The following TMEM63B variants were observed in gnomAD, a reference collection of about 807,000 sequenced individuals.
TMEM63B encodes the protein transmembrane protein 63B, also known as mechanosensitive cation channel TMEM63B.
TMEM63B carries 23 observed loss-of-function variants against 102.6 expected under a neutral mutation model. The observed-to-expected ratio is 0.22, with a 90% CI of 0.16 to 0.32. The LOEUF (loss-of-function observed/expected upper bound fraction) is 0.32, where lower values mean the gene tolerates loss of function less well. Among genes scored for constraint, TMEM63B ranks in the 10% least tolerant of loss-of-function variants. The pLI, the probability that TMEM63B is intolerant of heterozygous loss-of-function variation, is 1.00. For missense variants in TMEM63B, 628 were observed against 1,095.9 expected (o/e 0.57, Z 6.03); for synonymous variants, 444 against 437.0 (o/e 1.02, Z -0.20).
Position 44,150,709 on chromosome 6 carries a change from A to G in TMEM63B, c.1673+80A>G. 1 of 1,443,994 alleles carries G rather than the reference A, an allele frequency of 6.9e-7. No homozygotes were observed. Among genetic ancestry groups the G allele is most frequent in the Non-Finnish European group, 9.7e-7 (1 of 1,033,318 alleles). The allele number at this position is 1,443,994 out of a possible 1,614,324, so 89.4% of individuals were successfully genotyped here. A position where few individuals can be genotyped will look rare whatever the true frequency, so the allele number is the denominator to read the frequency against. On this transcript the variant is annotated intron_variant, in intron 18 of 23. Coordinates refer to ENST00000323267, the MANE Select transcript of TMEM63B (RefSeq NM_018426.3). The surrounding 1 kb of genome is among the most constrained non-coding windows in gnomAD (Gnocchi z 4.7). Reference sequence around the variant, plus strand: ...TGAGAGACATTGCCAGCCCCATGGGAGGGTGCAACAAAGCTTCCAACTCCT... The same window carrying G: ...TGAGAGACATTGCCAGCCCCATGGGGGGGTGCAACAAAGCTTCCAACTCCT...
rs1763974107 is a variant in TMEM63B at position 44,140,376 on chromosome 6, C to A, written c.711+16C>A. On this transcript the variant is annotated intron_variant, in intron 9 of 23. Coordinates refer to ENST00000323267, the MANE Select transcript of TMEM63B (RefSeq NM_018426.3). ...GGATGATCTGGTGCGTGGAGCAGAG[C>A]CCAGGTCCTGCCCCATCCCCAGCCT... The A allele has an allele frequency of 1.9e-6, 3 of 1,599,894 alleles. No individual in the cohort carries two copies. The highest frequency in any genetic ancestry group is 2.6e-6 in the Non-Finnish European group (3 of 1,167,872).
At chr6:44,151,806 C>A in intron 18 of TMEM63B, 40 bp from the exon 19 acceptor site, 1 of 1,539,996 alleles carries the variant, frequency 6.5e-7, no homozygotes, top group South Asian at 1.2e-5. Flanking sequence ...GCCACCGGGT[C>A]ACCCCAAGGG....
chr6:44,139,311 AG>A (rs1763749864), intron 6 of TMEM63B, among the ~76,000 whole-genome samples, 155 bp from the exon 7 acceptor site: 1 of 143,278 alleles, frequency 7.0e-6, no homozygotes, highest in African/African-American at 2.5e-5. Flanking sequence ...CACAGAAAAT[AG>A]GGGACCAAGA....
Position 44,150,205 on chromosome 6 carries a change from C to T in TMEM63B, c.1521-19C>T, listed in dbSNP as rs961991638. Reference sequence around the variant, plus strand: ...TGGGCTCACTTGACCTGTACCGTTCCCTGCTCCCCTCCCTCCAGCTCTGGG... The same window carrying T: ...TGGGCTCACTTGACCTGTACCGTTCTCTGCTCCCCTCCCTCCAGCTCTGGG... On this transcript the variant is annotated intron_variant, in intron 16 of 23. Transcript: ENST00000323267. The surrounding 1 kb of genome is among the most constrained non-coding windows in gnomAD (Gnocchi z 4.7). 3.1e-6 allele frequency: 5 copies of T among 1,610,296 alleles called. No individual in the cohort carries two copies. Among genetic ancestry groups the T allele is most frequent in the Admixed American group, 1.7e-5 (1 of 59,986 alleles).
intron 1 of TMEM63B, among the ~76,000 whole-genome samples, chr6:44,129,820 T>G (rs921836927): frequency 2.0e-5 from 3 of 152,222 alleles, no homozygotes; most frequent in African/African-American, 7.2e-5. Context: ...ATTATATGCC[T>G]TGAACTATAT....
chr6:44,134,539 G>T, intron 1 of TMEM63B, 22 bp from the exon 2 acceptor site: 1 of 1,601,282 alleles, frequency 6.2e-7, no homozygotes, highest in South Asian at 1.1e-5. Context: ...AAGCCCAGCT[G>T]ACTGCTCCAC....
chr6:44,153,751 A>G lies in TMEM63B; in HGVS notation c.2018A>G (p.Asp673Gly). Residue 673 changes from aspartate to glycine, a missense_variant, in exon 21 of 24, where the codon GAC (aspartate) becomes GGC (glycine). Transcript: ENST00000323267. ...LYYAYLPAKLDKKIHSGAVNQ... is the reference protein window; with the variant it reads ...LYYAYLPAKLGKKIHSGAVNQ... The stretch of plus-strand genomic sequence containing the variant: ...TACGCCTACCTGCCGGCCAAGCTGG[A>G]CAAGAAGATCCACTCGGGGGCTGTG... 1 of 1,614,160 alleles carries G rather than the reference A, an allele frequency of 6.2e-7. No individual in the cohort carries two copies. Among genetic ancestry groups the G allele is most frequent in the Non-Finnish European group, 8.5e-7 (1 of 1,180,022 alleles).
At chr6:44,144,710 C>G (rs1447864111) in intron 10 of TMEM63B, among the ~76,000 whole-genome samples, 1 of 151,962 alleles carries the variant, frequency 6.6e-6, no homozygotes, top group Non-Finnish European at 1.5e-5. Flanking sequence ...GATCCTCCTG[C>G]CTCAGACTCC....
At chr6:44,132,468 G>A (rs1402366589) in intron 1 of TMEM63B, among the ~76,000 whole-genome samples, 3 of 152,166 alleles carry the variant, frequency 2.0e-5, no homozygotes, top group Admixed American at 1.3e-4. Flanking sequence ...GGAATTCAGA[G>A]AGAGAAACAG....
chr6:44,146,826 G>C, intron 10 of TMEM63B, 21 bp from the exon 11 acceptor site: 1 of 1,613,434 alleles, frequency 6.2e-7, no homozygotes, highest in Non-Finnish European at 8.5e-7. Context: ...TGCACAAGAT[G>C]ATACATGAAC....
intron 11 of TMEM63B, 101 bp downstream of exon 11, chr6:44,147,028 G>T (rs1765557102): frequency 3.8e-6 from 5 of 1,322,320 alleles, no homozygotes; most frequent in Middle Eastern, 2.4e-4. Flanking sequence ...TTTTTTCCTA[G>T]GGCATTTGAT....
chr6:44,141,229 G>A, intron 10 of TMEM63B, 131 bp downstream of exon 10: 1 of 913,380 alleles, frequency 1.1e-6, no homozygotes. Context: ...GATCCAGGAA[G>A]AAATGTCCGA....
intron 2 of TMEM63B, 123 bp downstream of exon 2, chr6:44,134,866 C>T: frequency 6.7e-7 from 1 of 1,489,846 alleles, no homozygotes; most frequent in Non-Finnish European, 9.2e-7. Context: ...GAGGAGTCCC[C>T]ATCATCCAGC....
intron 4 of TMEM63B, among the ~76,000 whole-genome samples, 183 bp from the exon 5 acceptor site, chr6:44,136,166 T>A (rs1309834917): frequency 3.9e-5 from 6 of 152,146 alleles, no homozygotes; most frequent in Non-Finnish European, 7.4e-5. Flanking sequence ...TGAGTCCCCC[T>A]GAAAGGAAGA....
At chr6:44,144,566 A>C (rs1326647618) in intron 10 of TMEM63B, among the ~76,000 whole-genome samples, 4 of 151,680 alleles carry the variant, frequency 2.6e-5, no homozygotes, top group Admixed American at 2.6e-4. Flanking sequence ...TGCATTCAAT[A>C]CTTGGTGGTC....
At chr6:44,149,548 G>A (rs192560078) in intron 15 of TMEM63B, among the ~76,000 whole-genome samples, 148 of 151,960 alleles carry the variant, frequency 9.7e-4, no homozygotes, top group Admixed American at 2.2e-3. Flanking sequence ...TCTTTTTTTT[G>A]CCTCAGTTTA....
intron 15 of TMEM63B, chr6:44,149,178 A>G (rs1766050716): frequency 3.3e-6 from 2 of 599,358 alleles, no homozygotes; most frequent in Non-Finnish European, 5.9e-6. Flanking sequence ...GGGAAGAGAG[A>G]GAGCCTGCAT....
chr6:44,154,507 C>T, intron 23 of TMEM63B, 62 bp downstream of exon 23: 1 of 1,598,238 alleles, frequency 6.3e-7, no homozygotes, highest in African/African-American at 1.3e-5. Context: ...CCCAGTGTTC[C>T]CTTAGTCCTG....
Position 44,154,964 on chromosome 6 carries a change from T to A in TMEM63B, c.*81T>A. 7.6e-7 allele frequency: 1 copy of A among 1,316,370 alleles called. No homozygotes were observed. Among genetic ancestry groups the A allele is most frequent in the Non-Finnish European group, 1.0e-6 (1 of 986,458 alleles). The allele number at this position is 1,316,370 out of a possible 1,614,324, so 81.5% of individuals were successfully genotyped here. On this transcript the variant is annotated 3_prime_UTR_variant, in exon 24 of 24. Transcript: ENST00000323267. ...GGACACTAAAACGCTAATAATTTAT[T>A]AGATCTAAAGCCCCTTCCTCCCCAG... is the stretch of plus-strand genomic sequence containing the variant.
Sources: allele counts gnomAD v4.1 joint callset (sites outside exome capture counted in the v4.1 genomes callset), GRCh38; gene constraint gnomAD v4.1.1; non-coding constraint Gnocchi (gnomAD v3.1); transcripts MANE v1.5; gene names NCBI Gene and HGNC (gene_info 2026-07-23, HGNC 2026-07-21).